The following GAREM1 variants were observed in gnomAD, a reference collection of about 807,000 sequenced individuals.
The protein encoded by GAREM1 is GRB2-associated and regulator of MAPK protein 1.
GAREM1 carries 26 observed loss-of-function variants against 71.3 expected under a neutral mutation model. The ratio of observed to expected loss-of-function variants is 0.36; its 90% CI spans 0.27 to 0.51. GAREM1 has a LOEUF of 0.51. Ranked by LOEUF, GAREM1 falls within the 20% of genes least tolerant of loss-of-function variation. GAREM1 has a pLI of 0.95. For synonymous variants in GAREM1, 440 were observed against 433.2 expected, an observed-to-expected ratio of 1.02 and a Z score of -0.20; for missense variants, 1,026 against 1,103.1, an observed-to-expected ratio of 0.93 and a Z score of 0.99.
At chr18:32,307,029 A>G (rs532476822) in intron 3 of GAREM1, among the ~76,000 whole-genome samples, 1 of 152,358 alleles carries the variant, frequency 6.6e-6, no homozygotes, top group East Asian at 1.9e-4. Context: ...ACAAATGTAT[A>G]AATAGTACTA....
At chr18:32,404,179 C>A (rs918519159) in intron 1 of GAREM1, among the ~76,000 whole-genome samples, 2 of 152,148 alleles carry the variant, frequency 1.3e-5, no homozygotes, top group African/African-American at 4.8e-5. Context: ...TGAATTAAAG[C>A]ACCCTTGTGA....
At chr18:32,364,028 G>GTTTTTTTTTT (rs1157200391) in intron 2 of GAREM1, among the ~76,000 whole-genome samples, 1 of 21,672 alleles carries the variant, frequency 4.6e-5, no homozygotes, top group Non-Finnish European at 8.0e-5. Context: ...ATATATATAT[G>GTTTTTTTTTT]TTTTTTTTTT....
intron 2 of GAREM1, among the ~76,000 whole-genome samples, chr18:32,327,344 A>T (rs1277597271): frequency 6.6e-6 from 1 of 152,252 alleles, no homozygotes; most frequent in Admixed American, 6.5e-5. Flanking sequence ...AGATGGATTC[A>T]CTAATGTACT....
At chr18:32,349,954 C>T (rs1032548474) in intron 2 of GAREM1, among the ~76,000 whole-genome samples, 6 of 152,186 alleles carry the variant, frequency 3.9e-5, no homozygotes, top group Admixed American at 2.0e-4. Context: ...GGTAAACTGA[C>T]ATCATCATGA....
chr18:32,268,317 C>G lies in GAREM1; in HGVS notation c.2185G>C (p.Ala729Pro). The G allele has an allele frequency of 6.2e-7, 1 of 1,614,098 alleles. No individual in the cohort carries two copies. The highest frequency in any genetic ancestry group is 1.6e-4 in the Middle Eastern group (1 of 6,062). ...ACCTTCTCTTCCACTAGTTTTGGAG[C>G]CCTGGGGGGTAAGGCAGGGCATGAC... The part of the protein sequence containing the change: ...STSCPALPPR[A>P]PKLVEEKVAS... Residue 729 changes from alanine (A) to proline (P), a missense_variant, in exon 6 of 6, where the codon GCT becomes CCT. Physicochemically the swap from Ala to Pro is conservative, Grantham distance 27 (BLOSUM62 -1). This residue lies in a region of GAREM1 where 636 missense variants were observed against 631.2 expected (regional missense o/e 1.01). Transcript: ENST00000269209.
Position 32,264,706 on chromosome 18 carries a change from T to C in GAREM1, c.*3165A>G, listed in dbSNP as rs1167978085. On this transcript the variant is annotated 3_prime_UTR_variant, in exon 6 of 6. Transcript: ENST00000269209. The stretch of plus-strand genomic sequence containing the variant: ...AAGTAAATTTCACAGTTCATAAAGT[T>C]GAGCAGCTCAACTTAAAGAAGAGAA... 3 of 152,218 alleles carry C rather than the reference T, an allele frequency of 2.0e-5. No individual in the cohort carries two copies. The highest frequency in any genetic ancestry group is 4.1e-4 in the South Asian group (2 of 4,834). The allele number at this position is 152,218 out of a possible 1,614,324, so 9.4% of individuals were successfully genotyped here.
intron 4 of GAREM1, among the ~76,000 whole-genome samples, chr18:32,284,605 G>A (rs1296903325): frequency 6.6e-6 from 1 of 152,118 alleles, no homozygotes; most frequent in Non-Finnish European, 1.5e-5. Context: ...TGTGTGCCAG[G>A]TAGGACCTAA....
At chr18:32,304,359 G>C (rs1337204974) in intron 3 of GAREM1, among the ~76,000 whole-genome samples, 1 of 151,960 alleles carries the variant, frequency 6.6e-6, no homozygotes. Flanking sequence ...GAAAGAGTAA[G>C]TGAAATAATC....
At chr18:32,357,008 T>A (rs1437600929) in intron 2 of GAREM1, among the ~76,000 whole-genome samples, 1 of 152,146 alleles carries the variant, frequency 6.6e-6, no homozygotes, top group Non-Finnish European at 1.5e-5. Context: ...CGTAGCACAA[T>A]CCCGTGCTAC....
At chr18:32,369,971 G>A (rs1185443270) in intron 2 of GAREM1, among the ~76,000 whole-genome samples, 1 of 152,222 alleles carries the variant, frequency 6.6e-6, no homozygotes, top group African/African-American at 2.4e-5. Context: ...TTCACTTAGA[G>A]CTGTAAGCTG....
chr18:32,270,305 T>C lies in GAREM1; in HGVS notation c.1645A>G (p.Ile549Val). 1.2e-6 allele frequency: 2 copies of C among 1,613,886 alleles called. No homozygotes were observed. The highest frequency in any genetic ancestry group is 1.7e-6 in the Non-Finnish European group (2 of 1,179,924). ...SAKPLSTSPS[I>V]PPRTVKPARQ... ...GCTGGCTTGACTGTGCGAGGAGGGATGGAGGGACTGGTGGACAAAGGCTTT... is the reference window on the plus strand; with the variant it reads ...GCTGGCTTGACTGTGCGAGGAGGGACGGAGGGACTGGTGGACAAAGGCTTT... The change falls in exon 5 of 6, where the codon ATC becomes GTC. Residue 549 changes from isoleucine (I) to valine (V), a missense_variant. Physicochemically the swap from Ile to Val is conservative, Grantham distance 29. Transcript: ENST00000269209.
intron 2 of GAREM1, among the ~76,000 whole-genome samples, chr18:32,371,013 A>G (rs1194931033): frequency 6.6e-6 from 1 of 152,182 alleles, no homozygotes; most frequent in Non-Finnish European, 1.5e-5. Flanking sequence ...GGGAAACAAC[A>G]ATGACAAATG....
intron 2 of GAREM1, among the ~76,000 whole-genome samples, chr18:32,358,300 G>A (rs1232362414): frequency 1.3e-5 from 2 of 152,022 alleles, no homozygotes; most frequent in Non-Finnish European, 2.9e-5. Flanking sequence ...TGCAGGGGAA[G>A]GGAACTGCCT....
rs548876801 is a variant in GAREM1, at chr18:32,280,396, C to T, written c.1566+6635G>A. ...AGCACCAGGAGCTGGCCTGGCCAAGCCCGAGGAAGGGAGTCAGTTATCCAA... is the reference window on the plus strand; with the variant it reads ...AGCACCAGGAGCTGGCCTGGCCAAGTCCGAGGAAGGGAGTCAGTTATCCAA... On this transcript the variant is annotated intron_variant, in intron 4 of 5. Coordinates refer to ENST00000269209, the MANE Select transcript of GAREM1 (RefSeq NM_001242409.2). 3.9e-5 allele frequency among the ~76,000 whole-genome samples: 6 copies of T among 152,280 alleles called. No homozygotes were observed. In the East Asian group the frequency reaches 9.7e-4, roughly 25 times the overall value.
intron 2 of GAREM1, among the ~76,000 whole-genome samples, chr18:32,375,619 T>C (rs1599000456): frequency 1.3e-5 from 2 of 152,224 alleles, no homozygotes; most frequent in East Asian, 3.8e-4. Flanking sequence ...ATTCTAGATA[T>C]TCTGTTGGTC....
intron 2 of GAREM1, among the ~76,000 whole-genome samples, chr18:32,363,800 T>G (rs1223079002): frequency 6.6e-6 from 1 of 151,364 alleles, no homozygotes; most frequent in Non-Finnish European, 1.5e-5. Flanking sequence ...CAAGGTAATC[T>G]TCCTACAACT....
At chr18:32,433,799 T>C (rs2048648007) in intron 1 of GAREM1, among the ~76,000 whole-genome samples, 1 of 152,056 alleles carries the variant, frequency 6.6e-6, no homozygotes, top group Non-Finnish European at 1.5e-5. Flanking sequence ...CAAAAGAAGA[T>C]GTAAAGAAAT....
chr18:32,372,863 C>G (rs1343360145), intron 2 of GAREM1, among the ~76,000 whole-genome samples: 1 of 152,186 alleles, frequency 6.6e-6, no homozygotes, highest in Non-Finnish European at 1.5e-5. Context: ...TGGGGTGGTT[C>G]CTGTAGAAAA....
At chr18:32,436,457 A>G (rs913921490) in intron 1 of GAREM1, among the ~76,000 whole-genome samples, 1 of 152,202 alleles carries the variant, frequency 6.6e-6, no homozygotes, top group Non-Finnish European at 1.5e-5. Context: ...AACCTAAAAG[A>G]AACACTTCAA....
Sources: gnomAD v4.1 joint callset for allele counts (sites outside exome capture counted in the v4.1 genomes callset) on GRCh38, gnomAD v4.1.1 for gene constraint, gnomAD v4.1.1 regional missense constraint, MANE v1.5 for transcripts, NCBI Gene and HGNC (gene_info 2026-07-23, HGNC 2026-07-21) for gene names.